The following SORBS2 variants were observed in gnomAD, a reference collection of about 807,000 sequenced individuals.
SORBS2 encodes the protein sorbin and SH3 domain-containing protein 2.
A neutral mutation model predicts 97.7 loss-of-function variants in SORBS2; 46 were observed. The observed-to-expected ratio is 0.47, with a 90% CI of 0.37 to 0.60. SORBS2 has a LOEUF of 0.60. SORBS2 is among the 20% of genes least tolerant of loss of function. SORBS2 has a pLI of 0.00. For synonymous variants in SORBS2, 476 were observed against 473.4 expected (o/e 1.01, Z -0.07); for missense variants, 1,316 against 1,282.3 (o/e 1.03, Z -0.40).
At chr4:185,823,928 G>T (rs1257535569) in intron 1 of SORBS2, among the ~76,000 whole-genome samples, 3 of 152,180 alleles carry the variant, frequency 2.0e-5, no homozygotes, top group South Asian at 4.1e-4. Flanking sequence ...GCTACTAAGG[G>T]AAGTCACCTT....
chr4:185,618,726 G>A (rs1433791962), intron 8 of SORBS2, 95 bp from the exon 21 acceptor site: 8 of 642,774 alleles, frequency 1.2e-5, no homozygotes, highest in East Asian at 5.3e-5. Flanking sequence ...GAAACCTCAG[G>A]GAATCATCAA....
intron 1 of SORBS2, among the ~76,000 whole-genome samples, chr4:185,834,891 G>A (rs1007606185): frequency 1.3e-5 from 2 of 152,160 alleles, no homozygotes; most frequent in Admixed American, 1.3e-4. Flanking sequence ...TTTCTGATAT[G>A]GCTTGGATCT....
chr4:185,868,396 T>A (rs2149733485), intron 1 of SORBS2, among the ~76,000 whole-genome samples: 1 of 151,942 alleles, frequency 6.6e-6, no homozygotes, highest in Admixed American at 6.6e-5. Flanking sequence ...GATCTCGTGA[T>A]CCACCCACCT....
At chr4:185,950,402 G>T (rs1032560828) in intron 1 of SORBS2, among the ~76,000 whole-genome samples, 1 of 152,206 alleles carries the variant, frequency 6.6e-6, no homozygotes, top group African/African-American at 2.4e-5. Flanking sequence ...AAATCTCAGA[G>T]AGGCTGTAGT....
At chr4:185,687,308 G>A (rs1419947563) in intron 2 of SORBS2, among the ~76,000 whole-genome samples, 3 of 152,152 alleles carry the variant, frequency 2.0e-5, no homozygotes, top group African/African-American at 2.4e-5. Flanking sequence ...AATTACAGGC[G>A]TGAGCCACCG....
intron 5 of SORBS2, 45 bp downstream of exon 8, chr4:185,662,059 C>T (rs1174798229): frequency 1.9e-6 from 3 of 1,607,242 alleles, no homozygotes; most frequent in Non-Finnish European, 2.6e-6. Flanking sequence ...GTTGTACTTG[C>T]CGCATTGAGG....
intron 4 of SORBS2, among the ~76,000 whole-genome samples, chr4:185,635,119 G>GT (rs1478529229): frequency 4.6e-5 from 7 of 152,276 alleles, no homozygotes; most frequent in Admixed American, 3.9e-4. Context: ...ACATAGAATA[G>GT]TATAACTAGC....
At chr4:185,646,903 T>A in intron 3 of SORBS2, 121 bp from the exon 13 acceptor site, 1 of 635,348 alleles carries the variant, frequency 1.6e-6, no homozygotes. Context: ...TCTCTCAGGA[T>A]AAAAAGTTAA....
At chr4:185,951,332 G>T (rs2099277129) in intron 1 of SORBS2, among the ~76,000 whole-genome samples, 1 of 152,190 alleles carries the variant, frequency 6.6e-6, no homozygotes, top group African/African-American at 2.4e-5. Context: ...ACAAATGGCT[G>T]TGTTCTCTGA....
intron 2 of SORBS2, among the ~76,000 whole-genome samples, chr4:185,709,288 G>A (rs62334776): frequency 0.45 from 46,303 of 102,390 alleles, 7,436 homozygotes; most frequent in Middle Eastern, 0.51. Flanking sequence ...GGCATGAGCC[G>A]CTGTGCTGGC....
intron 1 of SORBS2, among the ~76,000 whole-genome samples, chr4:185,845,540 C>T (rs531659780): frequency 1.6e-4 from 24 of 151,940 alleles, no homozygotes; most frequent in Admixed American, 3.3e-4. Context: ...ACACAAATTG[C>T]ACAAGCCATA....
At chr4:185,914,728 G>A (rs1003218762) in intron 1 of SORBS2, among the ~76,000 whole-genome samples, 5 of 152,108 alleles carry the variant, frequency 3.3e-5, no homozygotes, top group East Asian at 1.9e-4. Context: ...CAAATACCAC[G>A]AGGCCTGACC....
At chr4:185,839,616 T>C (rs1370097295) in intron 1 of SORBS2, among the ~76,000 whole-genome samples, 2 of 152,208 alleles carry the variant, frequency 1.3e-5, no homozygotes, top group African/African-American at 4.8e-5. Context: ...GTGCTTGTAA[T>C]TTGTTTATAG....
intron 1 of SORBS2, among the ~76,000 whole-genome samples, chr4:185,889,595 T>C (rs28627759): frequency 0.029 from 4,349 of 152,222 alleles, 165 homozygotes; most frequent in African/African-American, 0.089. Context: ...CATTCCCCGA[T>C]CTCCAATTTA....
intron 1 of SORBS2, among the ~76,000 whole-genome samples, chr4:185,900,600 A>G (rs532831130): frequency 6.6e-6 from 1 of 152,014 alleles, no homozygotes; most frequent in South Asian, 2.1e-4. Context: ...ATAGAGAGAG[A>G]AAAAAAATTC....
At chr4:185,677,515 C>T (rs1300880437) in intron 4 of SORBS2, 2 of 1,551,184 alleles carry the variant, frequency 1.3e-6, no homozygotes, top group African/African-American at 2.7e-5. Context: ...TTTTTGTTAG[C>T]AAAGTACTCT....
At chr4:185,901,307 G>T (rs540566686) in intron 1 of SORBS2, among the ~76,000 whole-genome samples, 1 of 151,924 alleles carries the variant, frequency 6.6e-6, no homozygotes, top group African/African-American at 2.4e-5. Context: ...GGGTTCAAGC[G>T]ATCTCCTGCC....
chr4:185,678,468 A>T, exon 4 of SORBS2: 3 of 1,551,102 alleles, frequency 1.9e-6, no homozygotes, highest in Non-Finnish European at 2.6e-6. Flanking sequence ...GAACGCTTCT[A>T]AAACCTTTTG....
intron 1 of SORBS2, among the ~76,000 whole-genome samples, chr4:185,897,376 T>G (rs1393298382): frequency 2.6e-5 from 4 of 152,134 alleles, no homozygotes; most frequent in Admixed American, 2.6e-4. Context: ...TTGCTGGGTG[T>G]CCCCACTCAG....
Sources: gnomAD v4.1 joint callset for allele counts (sites outside exome capture counted in the v4.1 genomes callset) on GRCh38, gnomAD v4.1.1 for gene constraint, MANE v1.5 for transcripts, NCBI Gene and HGNC (gene_info 2026-07-23, HGNC 2026-07-21) for gene names.